DDX42: variants seen among roughly 807,000 people sequenced by gnomAD.
DDX42 encodes ATP-dependent RNA helicase DDX42.
In DDX42, 22 loss-of-function variants were observed where a neutral mutation model predicts 101.5. That is an observed-to-expected ratio of 0.22 (90% CI 0.15 to 0.31). DDX42 has a LOEUF of 0.31. DDX42 is among the 10% of genes least tolerant of loss of function. The pLI, the probability that DDX42 is intolerant of heterozygous loss-of-function variation, is 1.00. For synonymous variants in DDX42, 402 were observed against 401.2 expected (o/e 1.00, Z -0.02); for missense variants, 849 against 1,199.9 (o/e 0.71, Z 4.32).
intron 1 of DDX42, among the ~76,000 whole-genome samples, chr17:63,782,285 A>G (rs1185381123): frequency 6.6e-6 from 1 of 152,170 alleles, no homozygotes; most frequent in African/African-American, 2.4e-5. Flanking sequence ...TCTTGGGGAG[A>G]AAAGAAAGAA....
chr17:63,812,303 GA>G, intron 14 of DDX42, 95 bp downstream of exon 14: 1 of 1,467,460 alleles, frequency 6.8e-7, no homozygotes, highest in East Asian at 2.4e-5. Flanking sequence ...CAGGCTGATG[GA>G]AAGACTGTTG....
rs2039381474 is a variant in DDX42, at chr17:63,774,189, C to T, written c.-204C>T. The stretch of plus-strand genomic sequence containing the variant: ...GTTTTTGTTCCCCTCCCCCCTTCAG[C>T]AACGGGCCGTGAGGCGGTGGCGGTG... On this transcript the variant is annotated 5_prime_UTR_variant, in exon 1 of 18. Coordinates refer to ENST00000389924, the MANE Select transcript of DDX42 (RefSeq NM_203499.3). The T allele has an allele frequency of 3.5e-6, 1 of 287,620 alleles. No homozygotes were observed. Among genetic ancestry groups the T allele is most frequent in the Non-Finnish European group, 6.4e-6 (1 of 156,708 alleles). 17.8% of individuals were successfully genotyped at this position (287,620 alleles called of 1,614,324 possible). A position where few individuals can be genotyped will look rare whatever the true frequency, so the allele number is the denominator to read the frequency against.
intron 1 of DDX42, among the ~76,000 whole-genome samples, chr17:63,783,933 A>G (rs575215001): frequency 2.3e-4 from 35 of 152,120 alleles, no homozygotes; most frequent in African/African-American, 6.7e-4. Flanking sequence ...GCCTGGTGGC[A>G]CACGCCTGTA....
chr17:63,810,081 G>C (rs2039890873), intron 11 of DDX42, among the ~76,000 whole-genome samples: 1 of 151,918 alleles, frequency 6.6e-6, no homozygotes, highest in Non-Finnish European at 1.5e-5. Context: ...TATGCTGAAT[G>C]ATATGTTTAG....
At chr17:63,810,039 C>T (rs540359020) in intron 11 of DDX42, among the ~76,000 whole-genome samples, 42 of 152,152 alleles carry the variant, frequency 2.8e-4, no homozygotes, top group Admixed American at 1.2e-3. Context: ...CTAGACCTAG[C>T]CCAGTTGGAT....
At chr17:63,801,270 G>A (rs1489493660) in intron 6 of DDX42, among the ~76,000 whole-genome samples, 1 of 152,124 alleles carries the variant, frequency 6.6e-6, no homozygotes, top group Non-Finnish European at 1.5e-5. Flanking sequence ...GGCCAGGCTG[G>A]TCTTGAGCTC....
At position 63,787,186 on chromosome 17, in the gene DDX42, C is replaced by G; in HGVS notation, c.137C>G (p.Ser46Cys). 6.2e-7 allele frequency: 1 copy of G among 1,614,130 alleles called. No individual in the cohort carries two copies. Among genetic ancestry groups the G allele is most frequent in the Non-Finnish European group, 8.5e-7 (1 of 1,180,026 alleles). The stretch of plus-strand genomic sequence containing the variant: ...GCCTTTGGGGCAACCAGCTCTTCTT[C>G]TGGATTTGGAAAGTCAGCTCCACCA... The part of the protein sequence containing the change: ...HSAFGATSSS[S>C]GFGKSAPPQL... Residue 46 changes from serine (S) to cysteine (C), a missense_variant, in exon 2 of 18, where the codon TCT becomes TGT. By Grantham distance (112) the Ser-to-Cys change is moderately radical (BLOSUM62 -1). Transcript: ENST00000389924.
chr17:63,774,321 C>T lies in DDX42; in HGVS notation c.-72C>T. The stretch of plus-strand genomic sequence containing the variant: ...CCGGGACAGCGCGTACTTTGGGCTC[C>T]GGGATTCGCTCCGCGCCCGCGGTTG... On this transcript the variant is annotated 5_prime_UTR_variant, in exon 1 of 18. Coordinates refer to ENST00000389924, the MANE Select transcript of DDX42 (RefSeq NM_203499.3). 1 of 264,608 alleles carries T rather than the reference C, an allele frequency of 3.8e-6. No homozygotes were observed. Among genetic ancestry groups the T allele is most frequent in the Non-Finnish European group, 7.1e-6 (1 of 140,910 alleles). 16.4% of individuals were successfully genotyped at this position (264,608 alleles called of 1,614,324 possible). A position where few individuals can be genotyped will look rare whatever the true frequency, so the allele number is the denominator to read the frequency against.
rs1232169305 is a variant in DDX42, at chr17:63,775,960, C to T, written c.-17+1584C>T. ...AGGGATGCTTCTAAAATAACCATAA[C>T]CTAGCATTTACTTGTATTTGGTTTA... is the stretch of plus-strand genomic sequence containing the variant. On this transcript the variant is annotated intron_variant, in intron 1 of 17. Transcript: ENST00000389924. The T allele has an allele frequency of 5.3e-5, 8 of 152,130 alleles. No individual in the cohort carries two copies. The East Asian group carries it at 9.6e-4, about 18-fold the overall frequency. The allele number at this position is 152,130 out of a possible 1,614,324, so 9.4% of individuals were successfully genotyped here. A position where few individuals can be genotyped will look rare whatever the true frequency, so the allele number is the denominator to read the frequency against.
intron 3 of DDX42, among the ~76,000 whole-genome samples, chr17:63,797,568 A>G (rs1408934773): frequency 3.9e-5 from 6 of 152,146 alleles, no homozygotes; most frequent in Non-Finnish European, 8.8e-5. Flanking sequence ...AACCAGTACT[A>G]TCAGCTGTAC....
intron 14 of DDX42, among the ~76,000 whole-genome samples, 156 bp from the exon 15 acceptor site, chr17:63,813,072 G>T (rs1209292809): frequency 6.6e-6 from 1 of 152,150 alleles, no homozygotes; most frequent in Non-Finnish European, 1.5e-5. Context: ...CATAGAATCT[G>T]TGGTGGTGAC....
intron 14 of DDX42, among the ~76,000 whole-genome samples, chr17:63,812,991 C>T (rs556593982): frequency 1.3e-5 from 2 of 152,298 alleles, no homozygotes; most frequent in South Asian, 4.1e-4. Context: ...TGGCACTGCA[C>T]TCCCGTCTGG....
intron 1 of DDX42, among the ~76,000 whole-genome samples, chr17:63,782,029 AG>A (rs960130376): frequency 1.1e-4 from 16 of 151,306 alleles, no homozygotes; most frequent in South Asian, 4.2e-4. Flanking sequence ...AAATAAAAAA[AG>A]AATTGTCTTA....
intron 3 of DDX42, 29 bp downstream of exon 3, chr17:63,792,591 T>C: frequency 3.8e-6 from 6 of 1,594,394 alleles, no homozygotes; most frequent in Non-Finnish European, 5.1e-6. Flanking sequence ...CATTAAAATA[T>C]TTAGCAGTTA....
chr17:63,808,936 T>G lies in DDX42; in HGVS notation c.1140T>G (p.Val380=), dbSNP rs369763740. 1 of 1,613,930 alleles carries G rather than the reference T, an allele frequency of 6.2e-7. No homozygotes were observed. Among genetic ancestry groups the G allele is most frequent in the Non-Finnish European group, 8.5e-7 (1 of 1,179,872 alleles). Residue 380 remains valine, a synonymous_variant, in exon 10 of 18, where the codon GTT becomes GTG. Coordinates refer to ENST00000389924, the MANE Select transcript of DDX42 (RefSeq NM_203499.3). Reference sequence around the variant, plus strand: ...CCCTTCAGGAGGGGGCAGAGATTGTTGTGTGTACCCCAGTAAGTATGCCTT... The same window carrying G: ...CCCTTCAGGAGGGGGCAGAGATTGTGGTGTGTACCCCAGTAAGTATGCCTT... ...AKALQEGAEI[V]VCTPGRLIDH... is the part of the protein sequence containing the mutation.
chr17:63,800,354 C>A (rs2039747448), intron 5 of DDX42, 114 bp from the exon 6 acceptor site: 1 of 898,836 alleles, frequency 1.1e-6, no homozygotes, highest in Non-Finnish European at 1.6e-6. Context: ...TCTTGCCTTA[C>A]TTGGTAGGTA....
intron 1 of DDX42, among the ~76,000 whole-genome samples, chr17:63,783,853 G>A (rs779517437): frequency 2.1e-4 from 32 of 151,888 alleles, no homozygotes; most frequent in Admixed American, 1.8e-3. Flanking sequence ...GATTGAGGTC[G>A]GGAGTACAAG....
rs182295636 is a variant in DDX42, at chr17:63,780,948, T to C, written c.-16-6086T>C. Among the ~76,000 whole-genome samples, 575 of 152,330 alleles carry C rather than the reference T, an allele frequency of 3.8e-3. 2 individuals are homozygous for C. The highest frequency in any genetic ancestry group is 7.2e-3 in the Non-Finnish European group (493 of 68,032). Reference sequence around the variant, plus strand: ...TGACTTTTTTCTGTCATTTTGCATCTTCAGTTTTTCAGACTTTACTGGTTT... The same window carrying C: ...TGACTTTTTTCTGTCATTTTGCATCCTCAGTTTTTCAGACTTTACTGGTTT... On this transcript the variant is annotated intron_variant, in intron 1 of 17. Coordinates refer to ENST00000389924, the MANE Select transcript of DDX42 (RefSeq NM_203499.3).
At chr17:63,786,992 T>C (rs2039555057) in intron 1 of DDX42, 42 bp from the exon 2 acceptor site, 2 of 1,605,124 alleles carry the variant, frequency 1.2e-6, no homozygotes, top group Non-Finnish European at 1.7e-6. Flanking sequence ...GCTATACACT[T>C]TTTTAAGTTT....
Sources: gnomAD v4.1 joint callset for allele counts (sites outside exome capture counted in the v4.1 genomes callset) on GRCh38, gnomAD v4.1.1 for gene constraint, MANE v1.5 for transcripts, NCBI Gene and HGNC (gene_info 2026-07-23, HGNC 2026-07-21) for gene names.